Variants in AK8 observed in about 807,000 individuals in gnomAD.
AK8 encodes adenylate kinase 8.
AK8 carries 44 observed loss-of-function variants against 54.6 expected under a neutral mutation model. The observed-to-expected ratio is 0.81, with a 90% CI of 0.63 to 1.04. The LOEUF (loss-of-function observed/expected upper bound fraction) is 1.04. AK8 is among the 50% of genes least tolerant of loss of function. The pLI, the probability that AK8 is intolerant of heterozygous loss-of-function variation, is 0.00. For missense variants in AK8, 555 were observed against 613.6 expected (o/e 0.90, Z 1.01); for synonymous variants, 239 against 245.6 (o/e 0.97, Z 0.25).
chr9:132,868,251 C>A, intron 2 of AK8, among the ~76,000 whole-genome samples: 1 of 152,212 alleles, frequency 6.6e-6, no homozygotes, highest in East Asian at 1.9e-4. Context: ...TAGACATCGT[C>A]CTTTTGGCCA....
At chr9:132,856,764 C>T (rs368030336) in intron 4 of AK8, among the ~76,000 whole-genome samples, 3 of 152,090 alleles carry the variant, frequency 2.0e-5, no homozygotes, top group East Asian at 1.9e-4. Flanking sequence ...GCAGCCACTT[C>T]GTGGGCATGA....
chr9:132,865,370 C>T (rs1750573571), intron 3 of AK8, among the ~76,000 whole-genome samples: 1 of 152,176 alleles, frequency 6.6e-6, no homozygotes, highest in Admixed American at 6.5e-5. Flanking sequence ...GCCAGTTAAA[C>T]CGGGGAACAG....
chr9:132,825,141 T>C (rs1247189752), intron 8 of AK8, among the ~76,000 whole-genome samples: 1 of 152,206 alleles, frequency 6.6e-6, no homozygotes, highest in East Asian at 1.9e-4. Context: ...TTACAAATGA[T>C]GCTTAATTTA....
intron 9 of AK8, among the ~76,000 whole-genome samples, chr9:132,814,988 G>C (rs545631889): frequency 6.6e-6 from 1 of 152,348 alleles, no homozygotes; most frequent in Admixed American, 6.5e-5. Flanking sequence ...GCGTGGGGAA[G>C]ACACTAACGA....
At chr9:132,731,004 G>A (rs935885175) in intron 11 of AK8, among the ~76,000 whole-genome samples, 4 of 152,102 alleles carry the variant, frequency 2.6e-5, no homozygotes, top group East Asian at 1.9e-4. Flanking sequence ...TGGCCCCCTC[G>A]CCTCCCTGTG....
intron 11 of AK8, among the ~76,000 whole-genome samples, chr9:132,789,422 A>T (rs779521910): frequency 4.4e-4 from 66 of 151,724 alleles, no homozygotes; most frequent in Non-Finnish European, 8.5e-4. Context: ...ACATGGTAAA[A>T]CCCGTCTCTA....
chr9:132,855,139 T>A (rs1324431955), intron 4 of AK8, among the ~76,000 whole-genome samples: 1 of 152,044 alleles, frequency 6.6e-6, no homozygotes, highest in Non-Finnish European at 1.5e-5. Context: ...ACTCACCTTA[T>A]CCTGTGCCCA....
chr9:132,734,474 G>A (rs1217804967), intron 11 of AK8, among the ~76,000 whole-genome samples: 1 of 152,126 alleles, frequency 6.6e-6, no homozygotes, highest in African/African-American at 2.4e-5. Context: ...TGGTACTCAC[G>A]CCTGTAACCC....
intron 10 of AK8, among the ~76,000 whole-genome samples, chr9:132,809,176 T>A (rs914929909): frequency 6.6e-6 from 1 of 152,140 alleles, no homozygotes; most frequent in African/African-American, 2.4e-5. Flanking sequence ...GACAGAGATA[T>A]CTGAAACAGA....
chr9:132,737,940 G>A (rs1837193969), intron 11 of AK8, among the ~76,000 whole-genome samples: 1 of 152,350 alleles, frequency 6.6e-6, no homozygotes, highest in Middle Eastern at 3.4e-3. Context: ...AGTACCCTGG[G>A]TGTGGGCGGT....
intron 11 of AK8, among the ~76,000 whole-genome samples, chr9:132,786,416 T>C (rs1839708775): frequency 1.3e-5 from 2 of 152,164 alleles, no homozygotes; most frequent in African/African-American, 2.4e-5. Context: ...GTATGCAAAC[T>C]GCATGCAGTA....
At chr9:132,844,632 C>A in intron 5 of AK8, among the ~76,000 whole-genome samples, 1 of 152,204 alleles carries the variant, frequency 6.6e-6, no homozygotes, top group East Asian at 1.9e-4. Flanking sequence ...GATGAAAAGG[C>A]AATGGATGCC....
In AK8 at chr9:132,791,866, T is replaced by C. The variant is rs1413801636; in HGVS notation, c.1121+768A>G. 6.6e-6 allele frequency among the ~76,000 whole-genome samples: 1 copy of C among 152,220 alleles called. No individual in the cohort carries two copies. Among genetic ancestry groups the C allele is most frequent in the Non-Finnish European group, 1.5e-5 (1 of 68,042 alleles). ...CATTTTTGCCACCATTTGCAAGGTA[T>C]GACCAACCAGAGAAAGCCAAATATG... On this transcript the variant is annotated intron_variant, in intron 11 of 12. Transcript: ENST00000298545. The surrounding 1 kb of genome is among the most constrained non-coding windows in gnomAD (Gnocchi z 4.0).
Position 132,776,433 on chromosome 9 carries a change from C to T in AK8, c.1121+16201G>A, listed in dbSNP as rs146159653. Among the ~76,000 whole-genome samples, 6 of 152,290 alleles carry T rather than the reference C, an allele frequency of 3.9e-5. No individual in the cohort carries two copies. In the East Asian group the frequency reaches 5.8e-4, roughly 15 times the overall value. Reference sequence around the variant, plus strand: ...AGCACGAGGCCTGCTCTGAGAGTCCCGAGAGTCCTGTTGGTCAGAGTGTGC... The same window carrying T: ...AGCACGAGGCCTGCTCTGAGAGTCCTGAGAGTCCTGTTGGTCAGAGTGTGC... On this transcript the variant is annotated intron_variant, in intron 11 of 12. Transcript: ENST00000298545.
At chr9:132,808,360 A>G (rs2131229975) in intron 10 of AK8, among the ~76,000 whole-genome samples, 1 of 152,270 alleles carries the variant, frequency 6.6e-6, no homozygotes, top group African/African-American at 2.4e-5. Flanking sequence ...TTCAAAGTCC[A>G]GGCACAGAAT....
At chr9:132,812,563 C>CACTGGGATGACA (rs1564415180) in intron 10 of AK8, among the ~76,000 whole-genome samples, 1 of 150,748 alleles carries the variant, frequency 6.6e-6, no homozygotes, top group Non-Finnish European at 1.5e-5. Flanking sequence ...CCGCCGCGCC[C>CACTGGGATGACA]GGCCGCTAGG....
intron 5 of AK8, among the ~76,000 whole-genome samples, chr9:132,846,167 A>G (rs1321520623): frequency 1.3e-5 from 2 of 152,328 alleles, no homozygotes; most frequent in African/African-American, 4.8e-5. Flanking sequence ...ACTTACACGA[A>G]ATAGTACTGT....
At chr9:132,736,658 G>A (rs1279822673) in intron 11 of AK8, among the ~76,000 whole-genome samples, 14 of 151,452 alleles carry the variant, frequency 9.2e-5, no homozygotes, top group African/African-American at 2.4e-4. Context: ...GGTGGTGGGC[G>A]CCCGTAGTCC....
At position 132,782,897 on chromosome 9, in the gene AK8, A is replaced by G. The variant is rs143844660; in HGVS notation, c.1121+9737T>C. Among the ~76,000 whole-genome samples, 253 of 152,294 alleles carry G rather than the reference A, an allele frequency of 1.7e-3. 1 individual carries two copies. The highest frequency in any genetic ancestry group is 2.9e-3 in the Non-Finnish European group (197 of 68,024). On this transcript the variant is annotated intron_variant, in intron 11 of 12. Transcript: ENST00000298545. ...GCTGCCCTGGGCCTAAACAGGTTTC[A>G]GTCTTCCAATGGGAAGCTCTGTAGC...
Sources: gnomAD v4.1 joint callset for allele counts (sites outside exome capture counted in the v4.1 genomes callset) on GRCh38, gnomAD v4.1.1 for gene constraint, Gnocchi (gnomAD v3.1) non-coding constraint, MANE v1.5 for transcripts, NCBI Gene and HGNC (gene_info 2026-07-23, HGNC 2026-07-21) for gene names.